CACNA2D1: variants seen among roughly 807,000 people sequenced by gnomAD.
CACNA2D1 encodes the protein calcium voltage-gated channel auxiliary subunit alpha2delta 1.
CACNA2D1 carries 53 observed loss-of-function variants against 171.5 expected under a neutral mutation model. The observed-to-expected ratio is 0.31, with a 90% CI of 0.25 to 0.39. The LOEUF (loss-of-function observed/expected upper bound fraction) is 0.39, where lower values mean the gene tolerates loss of function less well. CACNA2D1 is among the 10% of genes least tolerant of loss of function. The probability of loss-of-function intolerance (pLI) is 1.00; values close to 1 mark genes in which losing one functional copy is unlikely to be tolerated. For synonymous variants in CACNA2D1, 442 were observed against 443.1 expected, an observed-to-expected ratio of 1.00 and a Z score of 0.03; for missense variants, 903 against 1,299.8, an observed-to-expected ratio of 0.69 and a Z score of 4.69.
At chr7:82,008,089 T>C (rs866112736) in intron 15 of CACNA2D1, among the ~76,000 whole-genome samples, 1 of 152,132 alleles carries the variant, frequency 6.6e-6, no homozygotes, top group Admixed American at 6.6e-5. Context: ...TTCATAGTGA[T>C]AGTTCACCTA....
At chr7:82,335,632 T>G (rs997965864) in intron 2 of CACNA2D1, among the ~76,000 whole-genome samples, 4 of 151,970 alleles carry the variant, frequency 2.6e-5, no homozygotes, top group Non-Finnish European at 4.4e-5. Context: ...AGGTCAAACC[T>G]GGAGGAGTGT....
intron 3 of CACNA2D1, among the ~76,000 whole-genome samples, chr7:82,315,183 T>C (rs889466971): frequency 2.0e-5 from 3 of 151,810 alleles, no homozygotes; most frequent in Admixed American, 6.6e-5. Flanking sequence ...TCTCTTAAAG[T>C]TGTATCAATT....
At chr7:82,135,747 C>T (rs764021347) in intron 5 of CACNA2D1, among the ~76,000 whole-genome samples, 1 of 151,902 alleles carries the variant, frequency 6.6e-6, no homozygotes, top group Non-Finnish European at 1.5e-5. Context: ...AAGAAAATTC[C>T]ATATAATAGT....
chr7:82,425,540 A>ATT (rs796114518), intron 1 of CACNA2D1, among the ~76,000 whole-genome samples: 17 of 142,242 alleles, frequency 1.2e-4, no homozygotes, highest in East Asian at 8.6e-4. Flanking sequence ...ATGAGATTCA[A>ATT]TTTTTTTTTT....
intron 10 of CACNA2D1, among the ~76,000 whole-genome samples, chr7:82,041,108 T>A (rs1803915613): frequency 6.6e-6 from 1 of 151,970 alleles, no homozygotes; most frequent in Non-Finnish European, 1.5e-5. Context: ...TGCAGGCAAA[T>A]CTGCAAAGTG....
chr7:82,208,272 C>T (rs371141225), intron 3 of CACNA2D1, among the ~76,000 whole-genome samples: 6 of 151,990 alleles, frequency 3.9e-5, no homozygotes, highest in African/African-American at 7.3e-5. Flanking sequence ...TATACATTAA[C>T]GATAGTACTT....
intron 38 of CACNA2D1, 71 bp downstream of exon 38, chr7:81,959,204 G>A: frequency 9.1e-7 from 1 of 1,100,060 alleles, no homozygotes; most frequent in African/African-American, 1.5e-5. Flanking sequence ...ATTGCAATTT[G>A]TATCCTTGAA....
Position 81,970,744 on chromosome 7 carries a change from C to T in CACNA2D1, c.2142-7G>A. The T allele has an allele frequency of 1.9e-6, 3 of 1,553,560 alleles. No homozygotes were observed. Among genetic ancestry groups the T allele is most frequent in the Non-Finnish European group, 2.7e-6 (3 of 1,125,558 alleles). ...TCGTGCTTTCACTCCCTTGCTGAAA[C>T]AGAAGACAAAACAAGGAAATGTTCT... On this transcript the variant is annotated splice_polypyrimidine_tract_variant and splice_region_variant and intron_variant, in intron 26 of 38. Transcript: ENST00000356860.
intron 3 of CACNA2D1, among the ~76,000 whole-genome samples, chr7:82,318,261 G>C (rs528784134): frequency 1.3e-5 from 2 of 152,056 alleles, no homozygotes; most frequent in African/African-American, 4.8e-5. Context: ...TGGTATCTAA[G>C]CTCAAGTTCA....
At chr7:82,113,972 T>G (rs565781013) in intron 6 of CACNA2D1, among the ~76,000 whole-genome samples, 1 of 152,188 alleles carries the variant, frequency 6.6e-6, no homozygotes, top group Admixed American at 6.5e-5. Flanking sequence ...CTTTTAATTA[T>G]GACATATCCC....
At chr7:82,113,016 T>G (rs1007700135) in intron 6 of CACNA2D1, among the ~76,000 whole-genome samples, 1 of 152,152 alleles carries the variant, frequency 6.6e-6, no homozygotes, top group Non-Finnish European at 1.5e-5. Context: ...TTTATCAAAA[T>G]GAAGATATCT....
At chr7:82,040,842 G>A (rs1398223228) in intron 10 of CACNA2D1, among the ~76,000 whole-genome samples, 1 of 152,126 alleles carries the variant, frequency 6.6e-6, no homozygotes, top group African/African-American at 2.4e-5. Context: ...AGGTGTGGTG[G>A]TGCATGCTTG....
chr7:81,959,422 G>T, intron 37 of CACNA2D1, 65 bp from the exon 38 acceptor site: 1 of 1,101,078 alleles, frequency 9.1e-7, no homozygotes, highest in Non-Finnish European at 1.4e-6. Context: ...TAAATACAAT[G>T]CAATGTATTT....
chr7:82,086,034 G>T (rs910816800), intron 6 of CACNA2D1, among the ~76,000 whole-genome samples: 3 of 152,080 alleles, frequency 2.0e-5, no homozygotes, highest in Non-Finnish European at 4.4e-5. Context: ...TGTCCCCAGA[G>T]ATTAGCAGAC....
intron 3 of CACNA2D1, among the ~76,000 whole-genome samples, chr7:82,232,163 T>A: frequency 6.6e-6 from 1 of 152,138 alleles, no homozygotes; most frequent in East Asian, 1.9e-4. Context: ...TAAAACAAAT[T>A]TACTTTCCAA....
At chr7:81,964,966 T>C (rs2130320446) in intron 32 of CACNA2D1, among the ~76,000 whole-genome samples, 1 of 151,794 alleles carries the variant, frequency 6.6e-6, no homozygotes, top group South Asian at 2.1e-4. Context: ...AAAAGTGGCA[T>C]AAATGAGAGA....
rs185166469 is a variant in CACNA2D1 at position 82,053,121 on chromosome 7, G to A, written c.879+7307C>T. Reference sequence around the variant, plus strand: ...CAAAAAAGTAGCCGGGCGTGGTGGCGGGTGCCTGTATTCCCAGCTACTCAG... The same window carrying A: ...CAAAAAAGTAGCCGGGCGTGGTGGCAGGTGCCTGTATTCCCAGCTACTCAG... On this transcript the variant is annotated intron_variant, in intron 10 of 38. Coordinates refer to ENST00000356860, the MANE Select transcript of CACNA2D1 (RefSeq NM_000722.4). 5.7e-3 allele frequency among the ~76,000 whole-genome samples: 866 copies of A among 151,978 alleles called. 12 individuals are homozygous for A. The highest frequency in any genetic ancestry group is 0.019 in the African/African-American group (801 of 41,490).
chr7:82,058,428 A>G (rs191032973), intron 10 of CACNA2D1, among the ~76,000 whole-genome samples: 1 of 152,272 alleles, frequency 6.6e-6, no homozygotes, highest in African/African-American at 2.4e-5. Flanking sequence ...CACAGATAGT[A>G]TTTTTAAAGA....
intron 3 of CACNA2D1, among the ~76,000 whole-genome samples, chr7:82,291,430 T>C (rs1367885776): frequency 2.2e-5 from 3 of 136,200 alleles, no homozygotes; most frequent in Non-Finnish European, 4.6e-5. Flanking sequence ...ATATATAATA[T>C]ATAAAATATA....
Sources: allele counts gnomAD v4.1 joint callset (sites outside exome capture counted in the v4.1 genomes callset), GRCh38; gene constraint gnomAD v4.1.1; transcripts MANE v1.5; gene names NCBI Gene and HGNC (gene_info 2026-07-23, HGNC 2026-07-21).